STYK1: variants seen among roughly 807,000 people sequenced by gnomAD.
STYK1 encodes STY kinase 1, also known as tyrosine-protein kinase STYK1.
STYK1 carries 46 observed loss-of-function variants against 48.1 expected under a neutral mutation model. The ratio of observed to expected loss-of-function variants is 0.96; its 90% CI spans 0.75 to 1.22. The LOEUF is 1.22. Among genes scored for constraint, STYK1 ranks in the 50% most tolerant of loss-of-function variants. The pLI is 0.00. For synonymous variants in STYK1, 188 were observed against 189.0 expected, an observed-to-expected ratio of 0.99 and a Z score of 0.04; for missense variants, 527 against 521.1, an observed-to-expected ratio of 1.01 and a Z score of -0.11.
chr12:10,649,982 C>T (rs1280203513), intron 1 of STYK1, among the ~76,000 whole-genome samples: 1 of 151,604 alleles, frequency 6.6e-6, no homozygotes, highest in Non-Finnish European at 1.5e-5. Flanking sequence ...GGCGTGGTGG[C>T]GGGCCCCTGT....
chr12:10,649,020 C>G (rs1231457720), intron 1 of STYK1, among the ~76,000 whole-genome samples: 1 of 152,126 alleles, frequency 6.6e-6, no homozygotes, highest in African/African-American at 2.4e-5. Context: ...ATAATTTTGA[C>G]TCTGTAATTT....
chr12:10,655,593 C>A (rs1220107351), intron 1 of STYK1, among the ~76,000 whole-genome samples: 2 of 152,206 alleles, frequency 1.3e-5, no homozygotes, highest in Non-Finnish European at 2.9e-5. Flanking sequence ...CCCCCATGAA[C>A]AACTTCTATC....
At chr12:10,645,431 G>T (rs138203492) in intron 1 of STYK1, among the ~76,000 whole-genome samples, 1 of 152,106 alleles carries the variant, frequency 6.6e-6, no homozygotes, top group African/African-American at 2.4e-5. Flanking sequence ...AAAGGGAACT[G>T]GTAATACCCC....
chr12:10,662,230 G>A (rs922331726), intron 1 of STYK1, among the ~76,000 whole-genome samples: 1 of 110,102 alleles, frequency 9.1e-6, no homozygotes, highest in African/African-American at 3.0e-5. Flanking sequence ...ATATTGCATT[G>A]TATGGATATA....
At chr12:10,624,175 C>T (rs1355356610) in intron 8 of STYK1, among the ~76,000 whole-genome samples, 1 of 150,940 alleles carries the variant, frequency 6.6e-6, no homozygotes, top group Non-Finnish European at 1.5e-5. Context: ...AATCCCAGCA[C>T]TTTGGGAGGC....
chr12:10,622,115 G>C, intron 9 of STYK1, 143 bp from the exon 10 acceptor site: 1 of 649,958 alleles, frequency 1.5e-6, no homozygotes, highest in East Asian at 2.8e-5. Context: ...TTGCTCCCTG[G>C]TGATCAAATA....
At chr12:10,668,973 G>A (rs11053896) in intron 1 of STYK1, among the ~76,000 whole-genome samples, 13 of 152,274 alleles carry the variant, frequency 8.5e-5, no homozygotes, top group Admixed American at 7.2e-4. Flanking sequence ...GACTGGCTGA[G>A]CCTGGGCTGG....
intron 1 of STYK1, among the ~76,000 whole-genome samples, chr12:10,665,659 C>T (rs538860201): frequency 6.6e-6 from 1 of 152,352 alleles, no homozygotes; most frequent in South Asian, 2.1e-4. Flanking sequence ...TTGGGATGCA[C>T]ATGTGTCCAG....
chr12:10,625,885 A>G (rs1432429388), intron 7 of STYK1, among the ~76,000 whole-genome samples: 1 of 152,220 alleles, frequency 6.6e-6, no homozygotes. Context: ...GATGTATCAA[A>G]TTCTAGTACA....
chr12:10,651,147 C>T (rs1469449015), intron 1 of STYK1, among the ~76,000 whole-genome samples: 1 of 152,148 alleles, frequency 6.6e-6, no homozygotes, highest in South Asian at 2.1e-4. Context: ...AAGAGGACCA[C>T]GCTGGAGCCC....
intron 1 of STYK1, among the ~76,000 whole-genome samples, chr12:10,664,530 C>T (rs1281079897): frequency 1.3e-5 from 2 of 152,084 alleles, no homozygotes; most frequent in African/African-American, 2.4e-5. Flanking sequence ...TTTTTGTGAG[C>T]AATCGATCTC....
At chr12:10,633,662 G>T (rs1305969260) in intron 4 of STYK1, among the ~76,000 whole-genome samples, 1 of 152,132 alleles carries the variant, frequency 6.6e-6, no homozygotes, top group African/African-American at 2.4e-5. Context: ...TGTTCATAAA[G>T]CCTTGGACTT....
chr12:10,668,016 T>C (rs1040211124), intron 1 of STYK1, among the ~76,000 whole-genome samples: 16 of 152,286 alleles, frequency 1.1e-4, no homozygotes, highest in African/African-American at 3.6e-4. Flanking sequence ...ATCCCCATTA[T>C]CCTTTCTGTA....
At chr12:10,634,725 GA>G (rs1053230087) in intron 2 of STYK1, 39 bp from the exon 3 acceptor site, 63 of 1,302,570 alleles carry the variant, frequency 4.8e-5, no homozygotes, top group African/African-American at 2.7e-4. Context: ...TAAAATGAAT[GA>G]AAAAAAATAA....
intron 1 of STYK1, among the ~76,000 whole-genome samples, chr12:10,644,878 AT>A (rs990065255): frequency 5.9e-5 from 9 of 152,282 alleles, no homozygotes; most frequent in African/African-American, 1.9e-4. Context: ...AGAGATAAAT[AT>A]TTGGGAGTCA....
Position 10,627,712 on chromosome 12 carries a change from T to C in STYK1, c.646A>G (p.Met216Val), listed in dbSNP as rs2120620990. The change falls in exon 7 of 11, where the codon ATG becomes GTG. Residue 216 changes from methionine (M) to valine (V), a missense_variant. By Grantham distance (21) the Met-to-Val change is conservative. Transcript: ENST00000075503. ...LWTCRRDVMT[M>V]DGLLYDLTEK... ...GTGAGATCATAGAGAAGACCATCCA[T>C]AGTCATCACATCCTAAAGAGACAGG... The C allele has an allele frequency of 1.2e-6, 2 of 1,612,432 alleles. No individual in the cohort carries two copies. The highest frequency in any genetic ancestry group is 1.7e-6 in the Non-Finnish European group (2 of 1,179,508).
Position 10,646,352 on chromosome 12 carries a change from A to G in STYK1, c.-194-9156T>C, listed in dbSNP as rs543523993. Among the ~76,000 whole-genome samples, 7 of 152,356 alleles carry G rather than the reference A, an allele frequency of 4.6e-5. No individual in the cohort carries two copies. In the South Asian group the frequency reaches 8.3e-4, roughly 18 times the overall value. On this transcript the variant is annotated intron_variant, in intron 1 of 10. Coordinates refer to ENST00000075503, the MANE Select transcript of STYK1 (RefSeq NM_018423.3). ...TGAGAAACTTGTTGGGAACCAGAGCAAAAGTGACTCTTGTTATGTTTTAGC... is the reference window on the plus strand; with the variant it reads ...TGAGAAACTTGTTGGGAACCAGAGCGAAAGTGACTCTTGTTATGTTTTAGC...
chr12:10,664,107 C>T (rs1947809560), intron 1 of STYK1, among the ~76,000 whole-genome samples: 1 of 152,126 alleles, frequency 6.6e-6, no homozygotes, highest in Non-Finnish European at 1.5e-5. Flanking sequence ...CTATGTGAAG[C>T]AGCATGGTGT....
chr12:10,637,663 A>C (rs1947501342), intron 1 of STYK1, among the ~76,000 whole-genome samples: 1 of 152,170 alleles, frequency 6.6e-6, no homozygotes, highest in Admixed American at 6.5e-5. Flanking sequence ...TTTAAGGCAT[A>C]CACACTGGGC....
Sources: allele counts gnomAD v4.1 joint callset (sites outside exome capture counted in the v4.1 genomes callset), GRCh38; gene constraint gnomAD v4.1.1; transcripts MANE v1.5; gene names NCBI Gene and HGNC (gene_info 2026-07-23, HGNC 2026-07-21).